IQCM: variants seen among roughly 807,000 people sequenced by gnomAD.
IQCM encodes the protein IQ domain-containing protein M.
A neutral mutation model predicts 57.6 loss-of-function variants in IQCM; 45 were observed. The ratio of observed to expected loss-of-function variants is 0.78; its 90% CI spans 0.62 to 1.00. The LOEUF (loss-of-function observed/expected upper bound fraction) is 1.00. IQCM is among the 50% of genes least tolerant of loss of function. The pLI is 0.00. For synonymous variants in IQCM, 148 were observed against 158.9 expected, an observed-to-expected ratio of 0.93 and a Z score of 0.51; for missense variants, 468 against 511.6, an observed-to-expected ratio of 0.91 and a Z score of 0.82.
intron 11 of IQCM, among the ~76,000 whole-genome samples, chr4:149,549,786 G>A (rs1277326525): frequency 1.3e-5 from 2 of 152,072 alleles, no homozygotes; most frequent in Non-Finnish European, 2.9e-5. Flanking sequence ...TATCATCCTG[G>A]CACTCAACCA....
At chr4:149,775,309 C>T (rs765471544) in intron 2 of IQCM, among the ~76,000 whole-genome samples, 16 of 151,574 alleles carry the variant, frequency 1.1e-4, no homozygotes, top group African/African-American at 3.9e-4. Flanking sequence ...ATTTCTCAGC[C>T]CAAGACAAAA....
intron 10 of IQCM, among the ~76,000 whole-genome samples, chr4:149,562,369 T>A (rs1025093043): frequency 2.6e-5 from 4 of 152,112 alleles, no homozygotes; most frequent in African/African-American, 9.7e-5. Flanking sequence ...GTGGAACCAG[T>A]TGAATATGGG....
At chr4:149,551,966 T>C (rs1436874888) in intron 11 of IQCM, among the ~76,000 whole-genome samples, 1 of 152,168 alleles carries the variant, frequency 6.6e-6, no homozygotes, top group East Asian at 1.9e-4. Context: ...TGCTCTTTTC[T>C]CTAGAAACCA....
chr4:149,541,980 G>A (rs1417263495), intron 12 of IQCM, among the ~76,000 whole-genome samples: 5 of 151,984 alleles, frequency 3.3e-5, no homozygotes, highest in South Asian at 4.1e-4. Flanking sequence ...AATCTAAAAT[G>A]CATAAAATCA....
intron 2 of IQCM, among the ~76,000 whole-genome samples, chr4:149,790,770 G>T (rs531679174): frequency 6.6e-6 from 1 of 152,098 alleles, no homozygotes; most frequent in East Asian, 1.9e-4. Flanking sequence ...GTGAAATAGC[G>T]ACAGAGGAGG....
chr4:149,789,966 A>G, intron 2 of IQCM: 1 of 284,200 alleles, frequency 3.5e-6, no homozygotes, highest in Non-Finnish European at 7.0e-6. Context: ...AGAAAAAGAA[A>G]AGAAAGGCAG....
At chr4:149,602,735 T>C (rs1036271132) in intron 8 of IQCM, among the ~76,000 whole-genome samples, 2 of 152,110 alleles carry the variant, frequency 1.3e-5, no homozygotes, top group Non-Finnish European at 2.9e-5. Flanking sequence ...ATAGCTATAA[T>C]ATAGTAAGTC....
chr4:149,671,713 T>C (rs1274161482), intron 7 of IQCM, among the ~76,000 whole-genome samples: 8 of 152,166 alleles, frequency 5.3e-5, no homozygotes, highest in Non-Finnish European at 1.0e-4. Flanking sequence ...ACATCTTTAT[T>C]TCTGCCTTCA....
chr4:149,654,888 A>T (rs142480803), intron 7 of IQCM, among the ~76,000 whole-genome samples: 19 of 152,292 alleles, frequency 1.2e-4, no homozygotes, highest in African/African-American at 4.3e-4. Flanking sequence ...CATATAACAT[A>T]ATTTTTTATA....
At chr4:149,542,099 C>T (rs1306250979) in intron 12 of IQCM, among the ~76,000 whole-genome samples, 1 of 151,944 alleles carries the variant, frequency 6.6e-6, no homozygotes, top group East Asian at 1.9e-4. Flanking sequence ...AATATCTCCT[C>T]CATTTTAAAT....
At position 149,814,988 on chromosome 4, in the gene IQCM, C is replaced by T. The variant is rs545455573; in HGVS notation, c.-49+323G>A. ...ATGGCGTTGATTTACAAAAATAAAGCAATAGTAGAGTATCCTACTCTTTGA... is the reference window on the plus strand; with the variant it reads ...ATGGCGTTGATTTACAAAAATAAAGTAATAGTAGAGTATCCTACTCTTTGA... On this transcript the variant is annotated intron_variant, in intron 2 of 13. Coordinates refer to ENST00000636793, the MANE Select transcript of IQCM (RefSeq NM_001363507.2). Among the ~76,000 whole-genome samples the T allele has an allele frequency of 2.6e-5, 4 of 152,006 alleles. No individual in the cohort carries two copies. The East Asian group carries it at 7.7e-4, about 29-fold the overall frequency.
intron 12 of IQCM, among the ~76,000 whole-genome samples, chr4:149,444,341 T>C (rs1463255639): frequency 6.6e-6 from 1 of 151,942 alleles, no homozygotes; most frequent in East Asian, 1.9e-4. Context: ...AATCAGATTA[T>C]CTAATAATTT....
chr4:149,694,858 C>T (rs1414897687), intron 5 of IQCM, among the ~76,000 whole-genome samples: 2 of 152,050 alleles, frequency 1.3e-5, no homozygotes, highest in Admixed American at 1.3e-4. Flanking sequence ...CGTTTTCATT[C>T]GAACAATGAG....
chr4:149,569,594 G>C (rs951855382), intron 9 of IQCM, among the ~76,000 whole-genome samples: 4 of 152,040 alleles, frequency 2.6e-5, no homozygotes, highest in Admixed American at 6.6e-5. Flanking sequence ...CAAGTTACAG[G>C]TTATAAATTT....
In IQCM at chr4:149,683,012, G is replaced by A. The variant is rs75428774; in HGVS notation, c.477-806C>T. Among the ~76,000 whole-genome samples, 454 of 151,088 alleles carry A rather than the reference G, an allele frequency of 3.0e-3. 1 individual carries two copies. Among genetic ancestry groups the A allele is most frequent in the Middle Eastern group, 0.014 (4 of 294 alleles). On this transcript the variant is annotated intron_variant, in intron 6 of 13. Coordinates refer to ENST00000636793, the MANE Select transcript of IQCM (RefSeq NM_001363507.2). ...TCTGTTTAAGTGTACATAAATGCAC[G>A]CAAAATTTTATACTATTATTTTGCA... is the stretch of plus-strand genomic sequence containing the variant.
intron 12 of IQCM, among the ~76,000 whole-genome samples, chr4:149,534,913 T>C (rs1172495705): frequency 6.6e-6 from 1 of 152,134 alleles, no homozygotes; most frequent in Admixed American, 6.6e-5. Context: ...TGGCAGCTCC[T>C]AGTAAGAGGC....
At chr4:149,401,128 C>T (rs1233488088) in intron 13 of IQCM, among the ~76,000 whole-genome samples, 2 of 151,512 alleles carry the variant, frequency 1.3e-5, no homozygotes, top group Non-Finnish European at 2.9e-5. Context: ...CCCTCAAAAA[C>T]CTTACAACCA....
At chr4:149,733,660 T>C (rs933023176) in intron 4 of IQCM, among the ~76,000 whole-genome samples, 152 bp from the exon 5 acceptor site, 1 of 152,118 alleles carries the variant, frequency 6.6e-6, no homozygotes, top group Non-Finnish European at 1.5e-5. Flanking sequence ...TTTACTCTAA[T>C]GTAAATTACA....
At chr4:149,736,102 C>T (rs1478859919) in intron 3 of IQCM, among the ~76,000 whole-genome samples, 1 of 151,024 alleles carries the variant, frequency 6.6e-6, no homozygotes, top group African/African-American at 2.5e-5. Context: ...CGTGCACCAC[C>T]ACATCCAGCT....
Sources: gnomAD v4.1 joint callset for allele counts (sites outside exome capture counted in the v4.1 genomes callset) on GRCh38, gnomAD v4.1.1 for gene constraint, MANE v1.5 for transcripts, NCBI Gene and HGNC (gene_info 2026-07-23, HGNC 2026-07-21) for gene names.